The following TNKS variants were observed in gnomAD, a reference collection of about 807,000 sequenced individuals.
TNKS encodes the protein tankyrase.
Under a neutral mutation model 135.8 loss-of-function variants are expected in TNKS, and 72 were observed. The ratio of observed to expected loss-of-function variants is 0.53; its 90% CI spans 0.44 to 0.64. TNKS has a LOEUF of 0.64. TNKS is among the 30% of genes least tolerant of loss of function. The probability of loss-of-function intolerance (pLI) is 0.00; values close to 1 mark genes in which losing one functional copy is unlikely to be tolerated. For synonymous variants in TNKS, 849 were observed against 649.3 expected (o/e 1.31, Z -4.68); for missense variants, 1,769 against 1,674.0 (o/e 1.06, Z -0.99).
chr8:9,575,395 A>T, intron 1 of TNKS: 1 of 985,374 alleles, frequency 1.0e-6, no homozygotes, highest in Non-Finnish European at 1.2e-6. Context: ...TTTAAGAGGA[A>T]CAAGGTGGGT....
At chr8:9,643,685 G>T (rs1800805953) in intron 3 of TNKS, among the ~76,000 whole-genome samples, 1 of 152,128 alleles carries the variant, frequency 6.6e-6, no homozygotes, top group African/African-American at 2.4e-5. Context: ...TTGTAAAATG[G>T]TGTAAGCACT....
intron 5 of TNKS, among the ~76,000 whole-genome samples, chr8:9,688,225 G>A (rs1803101020): frequency 6.6e-6 from 1 of 152,160 alleles, no homozygotes; most frequent in African/African-American, 2.4e-5. Context: ...AATATCATTT[G>A]ACAGTAGAGT....
intron 2 of TNKS, among the ~76,000 whole-genome samples, chr8:9,601,246 G>A (rs1309950273): frequency 6.6e-6 from 1 of 152,026 alleles, no homozygotes; most frequent in Non-Finnish European, 1.5e-5. Context: ...TTTTATCTCT[G>A]TTATGAACCC....
At chr8:9,582,728 G>T (rs1368533270) in intron 2 of TNKS, among the ~76,000 whole-genome samples, 1 of 152,060 alleles carries the variant, frequency 6.6e-6, no homozygotes, top group Non-Finnish European at 1.5e-5. Flanking sequence ...AAGAGTACCA[G>T]GTACAGTGTA....
Position 9,656,381 on chromosome 8 carries a change from T to TA in TNKS, c.995-23569dup, listed in dbSNP as rs1053476147. Among the ~76,000 whole-genome samples the TA allele has an allele frequency of 4.9e-4, 75 of 152,104 alleles. 1 individual carries two copies. Among genetic ancestry groups the TA allele is most frequent in the African/African-American group, 1.7e-3 (69 of 41,470 alleles). ...CAGGCCAACATTCAAATTCAGGAAA[T>TA]ACAGAGAACTCCACAAAGATACTCC... is the stretch of plus-strand genomic sequence containing the variant. On this transcript the variant is annotated intron_variant, in intron 3 of 26. Coordinates refer to ENST00000310430, the MANE Select transcript of TNKS (RefSeq NM_003747.3).
In TNKS at chr8:9,660,425, C is replaced by T. The variant is rs201000377; in HGVS notation, c.995-19526C>T. 6.6e-5 allele frequency among the ~76,000 whole-genome samples: 10 copies of T among 152,186 alleles called. 1 individual carries two copies. The South Asian group carries it at 8.3e-4, about 13-fold the overall frequency. On this transcript the variant is annotated intron_variant, in intron 3 of 26. Coordinates refer to ENST00000310430, the MANE Select transcript of TNKS (RefSeq NM_003747.3). ...GGCTTCATCCCTGGGATCCAAGGCT[C>T]GTTCAACATACGAAAATCAATAAAC...
At chr8:9,596,490 T>C (rs2128756777) in intron 2 of TNKS, among the ~76,000 whole-genome samples, 1 of 152,344 alleles carries the variant, frequency 6.6e-6, no homozygotes, top group Non-Finnish European at 1.5e-5. Flanking sequence ...TATTTAAATC[T>C]GCTAATTATC....
intron 3 of TNKS, 130 bp downstream of exon 3, chr8:9,615,807 C>T (rs1799624640): frequency 1.5e-6 from 1 of 645,918 alleles, no homozygotes. Context: ...TTATCTACTA[C>T]TTTATTATTG....
chr8:9,634,641 T>G (rs1207283874), intron 3 of TNKS, among the ~76,000 whole-genome samples: 8 of 152,060 alleles, frequency 5.3e-5, no homozygotes, highest in African/African-American at 1.7e-4. Context: ...GAGAAACTTG[T>G]GGATTTGGAT....
At chr8:9,771,377 A>AGGAGAAGGAAGG (rs1807846499) in intron 26 of TNKS, among the ~76,000 whole-genome samples, 1 of 88,286 alleles carries the variant, frequency 1.1e-5, no homozygotes, top group Non-Finnish European at 2.6e-5. Context: ...GAAGGGAGGG[A>AGGAGAAGGAAGG]GGGAAAGAGA....
intron 15 of TNKS, among the ~76,000 whole-genome samples, 163 bp downstream of exon 15, chr8:9,733,607 G>C (rs982231371): frequency 6.6e-6 from 1 of 152,118 alleles, no homozygotes; most frequent in African/African-American, 2.4e-5. Context: ...ATGACACATA[G>C]CTTTGCGTAG....
At chr8:9,581,201 T>C (rs1283858175) in intron 2 of TNKS, among the ~76,000 whole-genome samples, 1 of 152,218 alleles carries the variant, frequency 6.6e-6, no homozygotes, top group Non-Finnish European at 1.5e-5. Context: ...GATATAGTGG[T>C]GGTGCTTAGT....
chr8:9,638,216 C>T (rs1800586307), intron 3 of TNKS, among the ~76,000 whole-genome samples: 1 of 152,180 alleles, frequency 6.6e-6, no homozygotes, highest in South Asian at 2.1e-4. Flanking sequence ...TTTAAGAGAT[C>T]CTATCACCGC....
At chr8:9,613,307 G>C (rs1174200106) in intron 2 of TNKS, among the ~76,000 whole-genome samples, 1 of 152,130 alleles carries the variant, frequency 6.6e-6, no homozygotes, top group Non-Finnish European at 1.5e-5. Flanking sequence ...TAAATATTAT[G>C]GTGAGCTGAT....
chr8:9,657,153 G>T (rs1446063252), intron 3 of TNKS, among the ~76,000 whole-genome samples: 140 of 136,672 alleles, frequency 1.0e-3, no homozygotes, highest in African/African-American at 3.6e-3. Flanking sequence ...CCCAGACGGG[G>T]TGGTGGCCGG....
intron 22 of TNKS, 24 bp from the exon 23 acceptor site, chr8:9,764,692 A>G: frequency 6.4e-7 from 1 of 1,569,210 alleles, no homozygotes. Context: ...ATGTTTTTAT[A>G]AAATTAGTTA....
chr8:9,583,151 C>T (rs1341926429), intron 2 of TNKS, among the ~76,000 whole-genome samples: 3 of 132,946 alleles, frequency 2.3e-5, no homozygotes, highest in South Asian at 2.4e-4. Context: ...GGCGACAGAG[C>T]GAGACTCTGT....
At chr8:9,697,021 G>C (rs1803548020) in intron 5 of TNKS, among the ~76,000 whole-genome samples, 1 of 152,082 alleles carries the variant, frequency 6.6e-6, no homozygotes, top group South Asian at 2.1e-4. Context: ...AACAAAGCCA[G>C]AGGCATCACA....
intron 20 of TNKS, among the ~76,000 whole-genome samples, chr8:9,760,737 A>C (rs1426120744): frequency 1.3e-5 from 2 of 152,220 alleles, no homozygotes; most frequent in Non-Finnish European, 2.9e-5. Context: ...CCATAAAGGA[A>C]TTAGGTTATT....
Sources: gnomAD v4.1 joint callset for allele counts (sites outside exome capture counted in the v4.1 genomes callset) on GRCh38, gnomAD v4.1.1 for gene constraint, MANE v1.5 for transcripts, NCBI Gene and HGNC (gene_info 2026-07-23, HGNC 2026-07-21) for gene names.